Variants in NCAPG2 observed in about 807,000 individuals in gnomAD.
The protein encoded by NCAPG2 is condensin-2 complex subunit G2.
A neutral mutation model predicts 141.1 loss-of-function variants in NCAPG2; 53 were observed. That is an observed-to-expected ratio of 0.38 (90% CI 0.30 to 0.47). NCAPG2 has a LOEUF of 0.47. Ranked by LOEUF, NCAPG2 falls within the 20% of genes least tolerant of loss-of-function variation. The probability of loss-of-function intolerance (pLI) is 0.99; values close to 1 mark genes in which losing one functional copy is unlikely to be tolerated. For missense variants in NCAPG2, 1,087 were observed against 1,389.0 expected (o/e 0.78, Z 3.46); for synonymous variants, 499 against 490.7 (o/e 1.02, Z -0.22).
At chr7:158,662,945 C>T (rs193140794) in intron 15 of NCAPG2, among the ~76,000 whole-genome samples, 1 of 152,178 alleles carries the variant, frequency 6.6e-6, no homozygotes, top group Admixed American at 6.5e-5. Flanking sequence ...AATAAATAGA[C>T]CTACTTACAC....
At chr7:158,689,485 G>A (rs1048777262) in intron 6 of NCAPG2, among the ~76,000 whole-genome samples, 4 of 152,226 alleles carry the variant, frequency 2.6e-5, no homozygotes, top group African/African-American at 7.2e-5. Flanking sequence ...TTGAGTACAT[G>A]GCAATTAAAA....
At chr7:158,645,264 G>A (rs1447937633) in intron 26 of NCAPG2, among the ~76,000 whole-genome samples, 2 of 152,216 alleles carry the variant, frequency 1.3e-5, no homozygotes, top group Non-Finnish European at 2.9e-5. Context: ...GTGGCAACAG[G>A]TGAAAATGAA....
Position 158,646,462 on chromosome 7 carries a change from G to T in NCAPG2, c.3177C>A (p.Val1059=). 6.3e-7 allele frequency: 1 copy of T among 1,594,412 alleles called. No individual in the cohort carries two copies. Among genetic ancestry groups the T allele is most frequent in the South Asian group, 1.1e-5 (1 of 88,548 alleles). ...GACAGTAAAGAGAAAGTGATTACCT[G>T]ACCACATTCGAAGACTTTATTATTA... ...IGIIIKSSNV[V]RSFLDELKAC... is the part of the protein sequence containing the mutation. The change falls in exon 25 of 28, where the codon GTC becomes GTA. Residue 1059 remains valine (V), a splice_region_variant and synonymous_variant. Coordinates refer to ENST00000356309, the MANE Select transcript of NCAPG2 (RefSeq NM_017760.7).
chr7:158,675,493 C>T lies in NCAPG2; in HGVS notation c.1310G>A (p.Arg437His), dbSNP rs769716377. 6.2e-6 allele frequency: 10 copies of T among 1,601,892 alleles called. No individual in the cohort carries two copies. The highest frequency in any genetic ancestry group is 1.4e-5 in the African/African-American group (1 of 74,028). ...AAATCTTACCTTAAAGACAGAACAA[C>T]GAACATCAGCTGAGCTCGTGTCAAA... ...LAFDTSSADVRCSVFKCLPMI... is the reference protein window; with the variant it reads ...LAFDTSSADVHCSVFKCLPMI... The change falls in exon 12 of 28, where the codon CGT becomes CAT. Residue 437 changes from arginine to histidine, a missense_variant. Physicochemically the swap from Arg to His is conservative, Grantham distance 29 (BLOSUM62 0). Transcript: ENST00000356309.
At chr7:158,641,594 T>G in intron 27 of NCAPG2, 2 of 591,500 alleles carry the variant, frequency 3.4e-6, no homozygotes, top group East Asian at 6.0e-5. Flanking sequence ...TAAAAAGATA[T>G]ACCATGCTTA....
intron 27 of NCAPG2, among the ~76,000 whole-genome samples, chr7:158,643,410 T>C (rs1830777996): frequency 6.6e-6 from 1 of 152,020 alleles, no homozygotes; most frequent in Admixed American, 6.6e-5. Flanking sequence ...AGAGATGGGG[T>C]TTTACCATGT....
At chr7:158,643,961 C>T (rs1830820402) in intron 27 of NCAPG2, among the ~76,000 whole-genome samples, 1 of 152,234 alleles carries the variant, frequency 6.6e-6, no homozygotes, top group Non-Finnish European at 1.5e-5. Flanking sequence ...GGTGTCTATC[C>T]TTGGGAAACG....
intron 13 of NCAPG2, among the ~76,000 whole-genome samples, chr7:158,671,057 T>C (rs1833651789): frequency 7.3e-6 from 1 of 136,740 alleles, no homozygotes; most frequent in South Asian, 2.5e-4. Context: ...ATAAAGTGGG[T>C]GTCTCCCTCC....
chr7:158,673,985 T>C (rs911567412), intron 12 of NCAPG2, among the ~76,000 whole-genome samples: 1 of 152,218 alleles, frequency 6.6e-6, no homozygotes, highest in Non-Finnish European at 1.5e-5. Flanking sequence ...GTAGTGGACA[T>C]AGAAGACGCT....
chr7:158,649,136 G>A (rs914079950), intron 24 of NCAPG2, among the ~76,000 whole-genome samples: 1 of 152,182 alleles, frequency 6.6e-6, no homozygotes, highest in African/African-American at 2.4e-5. Flanking sequence ...AGGAGTCAGA[G>A]CCAGAGAGAT....
intron 8 of NCAPG2, among the ~76,000 whole-genome samples, chr7:158,685,026 A>G (rs1834669898): frequency 1.3e-5 from 2 of 152,242 alleles, no homozygotes; most frequent in South Asian, 4.1e-4. Context: ...AGAGGAATGA[A>G]AAGTCAGGAT....
chr7:158,661,649 A>G (rs1353302050), intron 16 of NCAPG2, among the ~76,000 whole-genome samples: 1 of 152,246 alleles, frequency 6.6e-6, no homozygotes, highest in South Asian at 2.1e-4. Flanking sequence ...CGATTTGGCC[A>G]TTCCACAATG....
chr7:158,656,514 C>T, intron 18 of NCAPG2, 38 bp downstream of exon 18: 1 of 1,612,302 alleles, frequency 6.2e-7, no homozygotes, highest in South Asian at 1.1e-5. Flanking sequence ...CAGTTATCCT[C>T]ACTCACCTAA....
intron 10 of NCAPG2, 35 bp downstream of exon 10, chr7:158,680,686 A>G: frequency 1.5e-6 from 2 of 1,377,978 alleles, no homozygotes; most frequent in Non-Finnish European, 2.0e-6. Flanking sequence ...CAAGTAGTAC[A>G]TTCCAAACAC....
chr7:158,667,417 T>A (rs1299493177), intron 13 of NCAPG2, among the ~76,000 whole-genome samples: 43 of 28,444 alleles, frequency 1.5e-3, no homozygotes, highest in South Asian at 3.3e-3. Flanking sequence ...CCTTACCCAC[T>A]ACTGGGTCCC....
Position 158,692,875 on chromosome 7 carries a change from C to T in NCAPG2, c.349G>A (p.Glu117Lys), listed in dbSNP as rs1259806448. 2 of 1,588,078 alleles carry T rather than the reference C, an allele frequency of 1.3e-6. No individual in the cohort carries two copies. Among genetic ancestry groups the T allele is most frequent in the Non-Finnish European group, 8.6e-7 (1 of 1,160,364 alleles). ...ATAATAACACATTCCAGTAGGGCTTCGTAGTTCTCACTTTCATTTATTACA... is the reference window on the plus strand; with the variant it reads ...ATAATAACACATTCCAGTAGGGCTTTGTAGTTCTCACTTTCATTTATTACA... ...VSVINESENY[E>K]ALLECVIILN... The change falls in exon 4 of 28, where the codon GAA becomes AAA. Residue 117 changes from glutamate (E) to lysine (K), a missense_variant. Glu to Lys is a moderately conservative substitution (Grantham distance 56, BLOSUM62 1). Transcript: ENST00000356309.
chr7:158,667,437 CTTA>C (rs1833138539), intron 13 of NCAPG2, among the ~76,000 whole-genome samples: 1 of 141,356 alleles, frequency 7.1e-6, no homozygotes, highest in East Asian at 2.2e-4. Context: ...CTCCGCCCTC[CTTA>C]CCCACTACTG....
intron 8 of NCAPG2, among the ~76,000 whole-genome samples, chr7:158,685,886 T>TA (rs1329437551): frequency 6.6e-6 from 1 of 152,210 alleles, no homozygotes; most frequent in Non-Finnish European, 1.5e-5. Context: ...TTCTTACACT[T>TA]ACAACACATC....
chr7:158,669,137 A>G (rs1274373961), intron 13 of NCAPG2, among the ~76,000 whole-genome samples: 4 of 152,200 alleles, frequency 2.6e-5, no homozygotes, highest in African/African-American at 9.6e-5. Context: ...TCCATAGTAT[A>G]TATGTACCAC....
Sources: gnomAD v4.1 joint callset for allele counts (sites outside exome capture counted in the v4.1 genomes callset) on GRCh38, gnomAD v4.1.1 for gene constraint, MANE v1.5 for transcripts, NCBI Gene and HGNC (gene_info 2026-07-23, HGNC 2026-07-21) for gene names.